The following MED23 variants were observed in gnomAD, a reference collection of about 807,000 sequenced individuals.
MED23 encodes mediator of RNA polymerase II transcription subunit 23.
MED23 carries 105 observed loss-of-function variants against 163.9 expected under a neutral mutation model. That is an observed-to-expected ratio of 0.64 (90% CI 0.55 to 0.75). The LOEUF (loss-of-function observed/expected upper bound fraction) is 0.75. Among genes scored for constraint, MED23 ranks in the 30% least tolerant of loss-of-function variants. The pLI is 0.00. For synonymous variants in MED23, 561 were observed against 565.6 expected, an observed-to-expected ratio of 0.99 and a Z score of 0.12; for missense variants, 1,054 against 1,649.0, an observed-to-expected ratio of 0.64 and a Z score of 6.25.
At position 131,623,434 on chromosome 6, in the gene MED23, C is replaced by CA; in HGVS notation, c.312dup (p.Asp105Ter). 6.2e-7 allele frequency: 1 copy of CA among 1,614,104 alleles called. No individual in the cohort carries two copies. The highest frequency in any genetic ancestry group is 2.2e-5 in the East Asian group (1 of 44,888). ...TGTGTTCTTTCCCACTCAAGAGTGTCAGAGTTTATCAGGGATTCACAAACC... is the reference window on the plus strand; with the variant it reads ...TGTGTTCTTTCCCACTCAAGAGTGTCAAGAGTTTATCAGGGATTCACAAACC... On this transcript the variant is annotated frameshift_variant, in exon 5 of 29. Transcript: ENST00000368068. LOFTEE classifies it high-confidence loss of function.
chr6:131,600,372 A>G (rs1044546992), intron 17 of MED23, among the ~76,000 whole-genome samples: 2 of 152,208 alleles, frequency 1.3e-5, no homozygotes, highest in African/African-American at 4.8e-5. Context: ...ACAGTTTATG[A>G]AAAGATGACA....
In MED23 at chr6:131,607,987, C is replaced by A; in HGVS notation, c.1162G>T (p.Ala388Ser). 1.2e-6 allele frequency: 2 copies of A among 1,613,900 alleles called. No homozygotes were observed. The highest frequency in any genetic ancestry group is 8.5e-7 in the Non-Finnish European group (1 of 1,179,880). Reference sequence around the variant, plus strand: ...ATCACAGGGAGAAAATCAGCTAGTGCATTTTTCTGAATACTTCCAGAAATG... The same window carrying A: ...ATCACAGGGAGAAAATCAGCTAGTGAATTTTTCTGAATACTTCCAGAAATG... ...QFISGSIQKN[A>S]LADFLPVMKL... Residue 388 changes from alanine to serine, a missense_variant, in exon 12 of 29, where the codon GCA becomes TCA. Physicochemically the swap from Ala to Ser is moderately conservative, Grantham distance 99. This residue lies in a region of MED23 where 61 missense variants were observed against 154.2 expected (regional missense o/e 0.40). Coordinates refer to ENST00000368068, the MANE Select transcript of MED23 (RefSeq NM_004830.4).
chr6:131,586,798 A>G lies in MED23; in HGVS notation c.*881T>C, dbSNP rs886443886. 3.3e-6 allele frequency: 5 copies of G among 1,505,526 alleles called. No individual in the cohort carries two copies. Among genetic ancestry groups the G allele is most frequent in the Middle Eastern group, 1.7e-4 (1 of 5,786 alleles). The allele number at this position is 1,505,526 out of a possible 1,614,324, so 93.3% of individuals were successfully genotyped here. A position where few individuals can be genotyped will look rare whatever the true frequency, so the allele number is the denominator to read the frequency against. Reference sequence around the variant, plus strand: ...CTCATTAGTTTTCAAGTCTTTCGCAATGCCAATTCCCCCAAAATTAACAAT... The same window carrying G: ...CTCATTAGTTTTCAAGTCTTTCGCAGTGCCAATTCCCCCAAAATTAACAAT... On this transcript the variant is annotated 3_prime_UTR_variant, in exon 29 of 29. Coordinates refer to ENST00000368068, the MANE Select transcript of MED23 (RefSeq NM_004830.4).
chr6:131,618,933 GT>G, intron 8 of MED23, among the ~76,000 whole-genome samples: 1 of 152,276 alleles, frequency 6.6e-6, no homozygotes, highest in African/African-American at 2.4e-5. Flanking sequence ...ACAGGAAAAA[GT>G]TTAAGACCAC....
At chr6:131,595,633 C>T (rs1346186081) in intron 22 of MED23, among the ~76,000 whole-genome samples, 1 of 152,136 alleles carries the variant, frequency 6.6e-6, no homozygotes, top group Non-Finnish European at 1.5e-5. Context: ...ATCCCTTCTG[C>T]CTCGTGTGCT....
At chr6:131,587,870 A>T in intron 28 of MED23, 24 bp from the exon 29 acceptor site, 2 of 1,583,992 alleles carry the variant, frequency 1.3e-6, no homozygotes, top group East Asian at 4.5e-5. Flanking sequence ...ACACATTAAA[A>T]CGTACTTTAA....
intron 27 of MED23, 111 bp from the exon 28 acceptor site, chr6:131,589,707 G>T: frequency 1.0e-6 from 1 of 987,036 alleles, no homozygotes; most frequent in Non-Finnish European, 1.6e-6. Context: ...TGTCTTTGCT[G>T]TAGAACTGTC....
At chr6:131,586,622 A>G, downstream of MED23, 1 of 497,388 alleles carries the variant, frequency 2.0e-6, no homozygotes, top group East Asian at 7.8e-5. Context: ...CTTAATTCCT[A>G]GGCCAATGTC....
chr6:131,583,744 C>A, downstream of MED23: 1 of 1,613,576 alleles, frequency 6.2e-7, no homozygotes, highest in Non-Finnish European at 8.5e-7. Flanking sequence ...TGTTGTAGGG[C>A]TACTCTCAGG....
At chr6:131,582,259 A>C (rs1773964431), downstream of MED23, among the ~76,000 whole-genome samples, 3 of 152,152 alleles carry the variant, frequency 2.0e-5, no homozygotes, top group Admixed American at 2.0e-4. Flanking sequence ...ACAGGCCACA[A>C]ATTTCCCTCA....
rs1773829449 is a variant in MED23 at position 131,579,866 on chromosome 6, G to C, written c.4096-5571C>G. ...TGTGTATGTGTGTGTGTGAGAGAGA[G>C]AGAGAGAGAGACAGATGTCTATGTT... On this transcript the variant is annotated intron_variant, in intron 30 of 30. Transcript: ENST00000354577. Among the ~76,000 whole-genome samples, 3 of 152,150 alleles carry C rather than the reference G, an allele frequency of 2.0e-5. No individual in the cohort carries two copies. In the South Asian group the frequency reaches 6.2e-4, roughly 32 times the overall value.
intron 30 of MED23, among the ~76,000 whole-genome samples, chr6:131,574,986 G>A (rs1018275173): frequency 4.6e-5 from 7 of 152,156 alleles, no homozygotes; most frequent in Non-Finnish European, 7.3e-5. Flanking sequence ...CTCCAAAGGC[G>A]ACCTTATACT....
exon 31 of MED23, chr6:131,574,269 A>G: frequency 1.2e-6 from 2 of 1,613,854 alleles, no homozygotes; most frequent in Non-Finnish European, 1.7e-6. Flanking sequence ...TTAATTTGGA[A>G]CCCTTGCTGT....
At chr6:131,617,660 T>C (rs1383575066) in intron 9 of MED23, among the ~76,000 whole-genome samples, 1 of 152,120 alleles carries the variant, frequency 6.6e-6, no homozygotes. Context: ...AAAAACAGAA[T>C]AACCAAAGTG....
rs187083676 is a variant in MED23 at position 131,606,329 on chromosome 6, C to T, written c.1367+150G>A. 372 of 721,756 alleles carry T rather than the reference C, an allele frequency of 5.2e-4. 1 individual carries two copies. In the African/African-American group the frequency reaches 6.3e-3, roughly 12 times the overall value. The allele number at this position is 721,756 out of a possible 1,614,324, so 44.7% of individuals were successfully genotyped here. ...TGATATAGGTACTGGTCAGATTCTC[C>T]TGCTATGACATATACATCAAGTATT... On this transcript the variant is annotated intron_variant, in intron 13 of 28. Coordinates refer to ENST00000368068, the MANE Select transcript of MED23 (RefSeq NM_004830.4).
At chr6:131,626,595 T>C (rs1026588947) in intron 3 of MED23, among the ~76,000 whole-genome samples, 8 of 152,172 alleles carry the variant, frequency 5.3e-5, no homozygotes, top group African/African-American at 1.4e-4. Context: ...CCTGAGGATA[T>C]TGGCTACAGA....
intron 12 of MED23, 125 bp downstream of exon 12, chr6:131,607,803 T>C (rs1775970611): frequency 1.8e-6 from 2 of 1,087,044 alleles, no homozygotes; most frequent in East Asian, 5.1e-5. Flanking sequence ...CTTGCTACAC[T>C]TAACATTCAA....
At position 131,587,591 on chromosome 6, in the gene MED23, TA is replaced by T; in HGVS notation, c.*87del. 6.3e-7 allele frequency: 1 copy of T among 1,597,380 alleles called. No individual in the cohort carries two copies. The highest frequency in any genetic ancestry group is 8.5e-7 in the Non-Finnish European group (1 of 1,171,142). ...ATCATCACTGCTTCTACTATATCACTACAGTGTGATCGCATTCAGATTTAAA... is the reference window on the plus strand; with the variant it reads ...ATCATCACTGCTTCTACTATATCACTCAGTGTGATCGCATTCAGATTTAAA... On this transcript the variant is annotated 3_prime_UTR_variant, in exon 29 of 29. Transcript: ENST00000368068.
At chr6:131,592,247 A>C (rs1191320220) in intron 25 of MED23, 141 bp downstream of exon 25, 1 of 763,530 alleles carries the variant, frequency 1.3e-6, no homozygotes, top group East Asian at 2.6e-5. Flanking sequence ...TAATATGAAA[A>C]AACTTTAAAA....
Sources: gnomAD v4.1 joint callset for allele counts (sites outside exome capture counted in the v4.1 genomes callset) on GRCh38, gnomAD v4.1.1 for gene constraint, gnomAD v4.1.1 regional missense constraint, MANE v1.5 for transcripts, NCBI Gene and HGNC (gene_info 2026-07-23, HGNC 2026-07-21) for gene names.